The following GRM7 variants were observed in gnomAD, a reference collection of about 807,000 sequenced individuals.
The protein encoded by GRM7 is metabotropic glutamate receptor 7.
Under a neutral mutation model 84.5 loss-of-function variants are expected in GRM7, and 35 were observed. The observed-to-expected ratio is 0.41, with a 90% CI of 0.32 to 0.55. GRM7 has a LOEUF of 0.55. Ranked by LOEUF, GRM7 falls within the 20% of genes least tolerant of loss-of-function variation. The pLI, the probability that GRM7 is intolerant of heterozygous loss-of-function variation, is 0.19. For synonymous variants in GRM7, 487 were observed against 455.1 expected (o/e 1.07, Z -0.89); for missense variants, 1,003 against 1,194.6 (o/e 0.84, Z 2.36).
chr3:7,191,426 A>G (rs957682745), intron 2 of GRM7, among the ~76,000 whole-genome samples: 18 of 152,126 alleles, frequency 1.2e-4, no homozygotes, highest in Non-Finnish European at 1.9e-4. Context: ...GTTTATGCTA[A>G]ACAAATGAAG....
At chr3:7,026,835 A>G (rs978497601) in intron 1 of GRM7, among the ~76,000 whole-genome samples, 4 of 152,228 alleles carry the variant, frequency 2.6e-5, no homozygotes, top group Admixed American at 6.5e-5. Flanking sequence ...TAGTGCAGTA[A>G]TTCTGGACTG....
chr3:7,376,924 A>C (rs1694374947), intron 4 of GRM7, among the ~76,000 whole-genome samples: 1 of 151,904 alleles, frequency 6.6e-6, no homozygotes, highest in Non-Finnish European at 1.5e-5. Flanking sequence ...CAGTAGTACC[A>C]CCTCCCCATT....
At chr3:7,268,312 C>T (rs932843393) in intron 2 of GRM7, among the ~76,000 whole-genome samples, 4 of 149,354 alleles carry the variant, frequency 2.7e-5, no homozygotes, top group African/African-American at 5.0e-5. Context: ...AAAAAATAGA[C>T]GAGTGTGTTG....
At position 6,998,734 on chromosome 3, in the gene GRM7, G is replaced by C. The variant is rs1694912752; in HGVS notation, c.519+136827G>C. ...CTCAACGCCACATGAAAGCTGCCAA[G>C]GCTTGTGGCTTTCACCCTCTGAAGC... On this transcript the variant is annotated intron_variant, in intron 1 of 9. Transcript: ENST00000357716. Among the ~76,000 whole-genome samples the C allele has an allele frequency of 2.0e-5, 3 of 152,230 alleles. No individual in the cohort carries two copies. The South Asian group carries it at 6.2e-4, about 31-fold the overall frequency.
chr3:7,425,450 T>C (rs1395274137), intron 5 of GRM7, among the ~76,000 whole-genome samples: 3 of 152,200 alleles, frequency 2.0e-5, no homozygotes, highest in African/African-American at 7.2e-5. Context: ...TCTCATTTGC[T>C]TGGGACCTTC....
chr3:7,649,194 C>CG (rs1489702223), intron 8 of GRM7, among the ~76,000 whole-genome samples: 2 of 151,986 alleles, frequency 1.3e-5, no homozygotes, highest in African/African-American at 4.8e-5. Flanking sequence ...CTCAGCCTCC[C>CG]GAGTAGCTGG....
intron 4 of GRM7, among the ~76,000 whole-genome samples, chr3:7,379,952 C>T (rs1694517740): frequency 6.6e-6 from 1 of 152,186 alleles, no homozygotes; most frequent in Admixed American, 6.5e-5. Flanking sequence ...ATTCTCCAAA[C>T]CTTCTTACTA....
At chr3:7,572,794 C>A (rs182067827) in intron 7 of GRM7, among the ~76,000 whole-genome samples, 1,759 of 113,076 alleles carry the variant, frequency 0.016, 77 homozygotes, top group African/African-American at 0.056. Context: ...TGCACCCCAG[C>A]CTGGGCGACA....
At chr3:6,937,048 A>G (rs777495491) in intron 1 of GRM7, among the ~76,000 whole-genome samples, 2 of 152,216 alleles carry the variant, frequency 1.3e-5, no homozygotes, top group Non-Finnish European at 2.9e-5. Context: ...TAGGGGTATA[A>G]TGTAACATCA....
intron 8 of GRM7, among the ~76,000 whole-genome samples, chr3:7,615,836 C>T (rs1005840665): frequency 1.3e-5 from 2 of 152,016 alleles, no homozygotes; most frequent in Admixed American, 1.3e-4. Context: ...CTTGTTAACT[C>T]CTCAATGCCT....
Position 7,537,388 on chromosome 3 carries a change from A to G in GRM7, c.1516-41034A>G, listed in dbSNP as rs191750410. ...AAAGGGACAATGAATCTTTGGTTCT[A>G]TTAAGAAGCTGTTTTAGAATCTTAG... On this transcript the variant is annotated intron_variant, in intron 7 of 9. Transcript: ENST00000357716. Among the ~76,000 whole-genome samples the G allele has an allele frequency of 5.8e-4, 89 of 152,318 alleles. 1 individual carries two copies. Among genetic ancestry groups the G allele is most frequent in the African/African-American group, 1.7e-3 (69 of 41,586 alleles).
At chr3:6,939,447 A>AG (rs1194797757) in intron 1 of GRM7, among the ~76,000 whole-genome samples, 308 of 151,732 alleles carry the variant, frequency 2.0e-3, no homozygotes, top group Middle Eastern at 3.4e-3. Flanking sequence ...AAAAAAAAAA[A>AG]CAGTTATTCA....
chr3:7,636,293 G>A lies in GRM7; in HGVS notation c.2452-43756G>A, dbSNP rs149858353. On this transcript the variant is annotated intron_variant, in intron 8 of 9. Coordinates refer to ENST00000357716, the MANE Select transcript of GRM7 (RefSeq NM_000844.4). ...TGAATCATTGTAAGATAATGGAGAC[G>A]CAGCAATGACTGTTCTTGTTATCCT... The A allele has an allele frequency of 4.6e-5, 21 of 456,656 alleles. No homozygotes were observed. The East Asian group carries it at 9.0e-4, about 20-fold the overall frequency. The allele number at this position is 456,656 out of a possible 1,614,324, so 28.3% of individuals were successfully genotyped here. A position where few individuals can be genotyped will look rare whatever the true frequency, so the allele number is the denominator to read the frequency against.
chr3:7,165,310 C>G (rs1435980044), intron 2 of GRM7, among the ~76,000 whole-genome samples: 1 of 152,178 alleles, frequency 6.6e-6, no homozygotes, highest in African/African-American at 2.4e-5. Context: ...TTTGCTCATA[C>G]AAGGCCAGCC....
chr3:7,281,838 TG>T (rs1285366402), intron 2 of GRM7, among the ~76,000 whole-genome samples: 6 of 152,292 alleles, frequency 3.9e-5, no homozygotes, highest in Non-Finnish European at 8.8e-5. Context: ...CCTAGTACTT[TG>T]GGAGGCCAAG....
chr3:7,113,804 G>A (rs1273230553), intron 1 of GRM7, among the ~76,000 whole-genome samples: 4 of 151,980 alleles, frequency 2.6e-5, no homozygotes, highest in Middle Eastern at 3.2e-3. Flanking sequence ...AACCCTCAAC[G>A]GTATGGTTTT....
chr3:7,216,030 C>T (rs1166586936), intron 2 of GRM7, among the ~76,000 whole-genome samples: 1 of 152,140 alleles, frequency 6.6e-6, no homozygotes, highest in East Asian at 1.9e-4. Flanking sequence ...TATATAGTCT[C>T]ATGTTTATGT....
Position 7,614,894 on chromosome 3 carries a change from C to T in GRM7, c.2451+35537C>T, listed in dbSNP as rs115209358. On this transcript the variant is annotated intron_variant, in intron 8 of 9. Transcript: ENST00000357716. ...TGCAAAATAGATTCATTTGTATTAA[C>T]CCACCTATTTATTCTTTCTGACTCT... 4.2e-3 allele frequency among the ~76,000 whole-genome samples: 638 copies of T among 152,228 alleles called. 6 individuals are homozygous for T. The highest frequency in any genetic ancestry group is 0.015 in the African/African-American group (610 of 41,546).
intron 1 of GRM7, among the ~76,000 whole-genome samples, chr3:6,983,499 G>A (rs655620): frequency 0.15 from 23,373 of 151,942 alleles, 2,040 homozygotes; most frequent in South Asian, 0.31. Flanking sequence ...GGTCAGAAAG[G>A]GATACATCAA....
Sources: gnomAD v4.1 joint callset for allele counts (sites outside exome capture counted in the v4.1 genomes callset) on GRCh38, gnomAD v4.1.1 for gene constraint, MANE v1.5 for transcripts, NCBI Gene and HGNC (gene_info 2026-07-23, HGNC 2026-07-21) for gene names.